Variants in FOXP2 observed in about 807,000 individuals in gnomAD.
FOXP2 encodes the protein forkhead box protein P2.
In FOXP2, 12 loss-of-function variants were observed where a neutral mutation model predicts 115.8. The observed-to-expected ratio is 0.10, with a 90% CI of 0.07 to 0.17. The LOEUF (loss-of-function observed/expected upper bound fraction) is 0.17. Among genes scored for constraint, FOXP2 ranks in the 10% least tolerant of loss-of-function variants. The pLI, the probability that FOXP2 is intolerant of heterozygous loss-of-function variation, is 1.00. For missense variants in FOXP2, 629 were observed against 843.5 expected (o/e 0.75, Z 3.15); for synonymous variants, 328 against 297.7 (o/e 1.10, Z -1.05).
At chr7:114,596,459 G>A (rs924771051) in intron 3 of FOXP2, among the ~76,000 whole-genome samples, 3 of 152,072 alleles carry the variant, frequency 2.0e-5, no homozygotes, top group Non-Finnish European at 4.4e-5. Context: ...GCTTTCTGAA[G>A]CAGATCCCTC....
intron 1 of FOXP2, among the ~76,000 whole-genome samples, chr7:114,259,491 T>G (rs543187976): frequency 2.6e-5 from 4 of 152,212 alleles, no homozygotes; most frequent in African/African-American, 7.2e-5. Flanking sequence ...AGAAAGATGT[T>G]TGAGTCTCAG....
At chr7:114,398,360 A>G (rs559139273) in intron 2 of FOXP2, among the ~76,000 whole-genome samples, 1 of 152,278 alleles carries the variant, frequency 6.6e-6, no homozygotes, top group African/African-American at 2.4e-5. Context: ...ACAAAGAGAC[A>G]TGGGATCAGA....
At chr7:114,295,059 A>C (rs12666035) in intron 2 of FOXP2, among the ~76,000 whole-genome samples, 85,316 of 151,932 alleles carry the variant, frequency 0.56, 26,784 homozygotes, top group Admixed American at 0.74. Context: ...TTTAAATGAG[A>C]GTTTATGTTT....
intron 2 of FOXP2, among the ~76,000 whole-genome samples, chr7:114,381,435 A>G (rs1381203269): frequency 6.6e-6 from 1 of 152,190 alleles, no homozygotes; most frequent in Admixed American, 6.5e-5. Flanking sequence ...AATTGACTCA[A>G]GTCTTGGGCT....
chr7:114,631,389 A>C, intron 5 of FOXP2, 139 bp from the exon 6 acceptor site: 1 of 1,417,006 alleles, frequency 7.1e-7, no homozygotes, highest in East Asian at 2.5e-5. Flanking sequence ...ACTTACTCAC[A>C]TTCTGCCCCT....
rs192612459 is a variant in FOXP2 at position 114,097,001 on chromosome 7, A to T, written c.-247+9163A>T. On this transcript the variant is annotated intron_variant, in intron 1 of 19. Transcript: ENST00000635638. ...CATTTAATTTTAAAATAATACTTTG[A>T]TTACTTTATTGTAGAAATTATGCTG... Among the ~76,000 whole-genome samples the T allele has an allele frequency of 2.1e-3, 316 of 152,104 alleles. 1 individual carries two copies. Among genetic ancestry groups the T allele is most frequent in the African/African-American group, 7.2e-3 (300 of 41,432 alleles).
intron 2 of FOXP2, among the ~76,000 whole-genome samples, chr7:114,380,017 T>A (rs1351471197): frequency 6.6e-6 from 1 of 152,188 alleles, no homozygotes; most frequent in African/African-American, 2.4e-5. Context: ...CAGAGGGGGT[T>A]ACCCCATATT....
chr7:114,369,679 T>C (rs1382858725), intron 2 of FOXP2, among the ~76,000 whole-genome samples: 1 of 152,184 alleles, frequency 6.6e-6, no homozygotes, highest in African/African-American at 2.4e-5. Flanking sequence ...AGAATATAGA[T>C]TTTGTCCATA....
chr7:114,233,958 G>C (rs945030501), intron 1 of FOXP2, among the ~76,000 whole-genome samples: 1 of 152,180 alleles, frequency 6.6e-6, no homozygotes, highest in African/African-American at 2.4e-5. Flanking sequence ...GTTGCAGTGA[G>C]TCCACATTGC....
rs573079303 is a variant in FOXP2, at chr7:114,663,023, A to T, written c.1770-427A>T. On this transcript the variant is annotated intron_variant, in intron 14 of 16. Transcript: ENST00000350908. The stretch of plus-strand genomic sequence containing the variant: ...AATCTATTATGTTGTCATTTAATTA[A>T]CTATGGTAATTTGTTATGTTAATTC... Among the ~76,000 whole-genome samples the T allele has an allele frequency of 2.0e-5, 3 of 152,266 alleles. No individual in the cohort carries two copies. In the East Asian group the frequency reaches 5.8e-4, roughly 29 times the overall value.
At chr7:114,548,179 A>C (rs773316943) in intron 3 of FOXP2, among the ~76,000 whole-genome samples, 10 of 152,212 alleles carry the variant, frequency 6.6e-5, no homozygotes, top group Non-Finnish European at 1.3e-4. Flanking sequence ...GGAATGACAA[A>C]ACAGAAAGGG....
At chr7:114,578,840 C>T (rs969333099) in intron 3 of FOXP2, among the ~76,000 whole-genome samples, 1 of 151,986 alleles carries the variant, frequency 6.6e-6, no homozygotes, top group Admixed American at 6.6e-5. Flanking sequence ...GTGATTTCCT[C>T]AGAAATGTTT....
intron 3 of FOXP2, among the ~76,000 whole-genome samples, chr7:114,592,103 A>G (rs1802468560): frequency 6.6e-6 from 1 of 152,124 alleles, no homozygotes; most frequent in African/African-American, 2.4e-5. Flanking sequence ...TGAGATTTGG[A>G]TCAGATAATA....
rs1033145218 is a variant in FOXP2, at chr7:114,239,532, A to G, written c.-101-48487A>G. On this transcript the variant is annotated intron_variant, in intron 1 of 17. Transcript: ENST00000634411. Reference sequence around the variant, plus strand: ...TAGGAAACAGCATCTGCAGAAATTGAGCATTTGGCTTTGTTGGGATTAAGT... The same window carrying G: ...TAGGAAACAGCATCTGCAGAAATTGGGCATTTGGCTTTGTTGGGATTAAGT... Among the ~76,000 whole-genome samples the G allele has an allele frequency of 7.9e-5, 12 of 152,216 alleles. No individual in the cohort carries two copies. In the East Asian group the frequency reaches 1.9e-3, roughly 25 times the overall value.
intron 16 of FOXP2, chr7:114,665,626 G>T (rs964679497): frequency 6.6e-6 from 1 of 151,998 alleles, no homozygotes; most frequent in East Asian, 1.9e-4. Context: ...AACACACTGT[G>T]AACATTAATG....
intron 2 of FOXP2, among the ~76,000 whole-genome samples, chr7:114,436,529 C>A: frequency 6.7e-6 from 1 of 149,156 alleles, no homozygotes; most frequent in Admixed American, 6.8e-5. Flanking sequence ...TATTAATTTA[C>A]TAAATAAGTA....
chr7:114,661,959 T>C, intron 13 of FOXP2, 106 bp from the exon 14 acceptor site: 1 of 1,415,688 alleles, frequency 7.1e-7, no homozygotes, highest in Non-Finnish European at 9.8e-7. Flanking sequence ...TTAAACATGT[T>C]AAGATTTTTC....
chr7:114,560,392 G>T (rs779081748), intron 3 of FOXP2, among the ~76,000 whole-genome samples: 40 of 152,006 alleles, frequency 2.6e-4, no homozygotes, highest in Admixed American at 6.6e-4. Context: ...GATCCCCTGA[G>T]GCCAGGAGTT....
intron 1 of FOXP2, among the ~76,000 whole-genome samples, chr7:114,193,209 T>C (rs188666886): frequency 2.3e-3 from 347 of 152,132 alleles, no homozygotes; most frequent in Non-Finnish European, 3.8e-3. Context: ...TTCACAGACA[T>C]TTATATAGTA....
Sources: allele counts gnomAD v4.1 joint callset (sites outside exome capture counted in the v4.1 genomes callset), GRCh38; gene constraint gnomAD v4.1.1; transcripts MANE v1.5; gene names NCBI Gene and HGNC (gene_info 2026-07-23, HGNC 2026-07-21).